CACNG4: variants seen among roughly 807,000 people sequenced by gnomAD.
CACNG4 encodes the protein calcium voltage-gated channel auxiliary subunit gamma 4.
Under a neutral mutation model 22.9 loss-of-function variants are expected in CACNG4, and 8 were observed. The observed-to-expected ratio is 0.35, with a 90% CI of 0.21 to 0.63. The LOEUF is 0.63. Ranked by LOEUF, CACNG4 falls within the 30% of genes least tolerant of loss-of-function variation. The probability of loss-of-function intolerance (pLI) is 0.72; values close to 1 mark genes in which losing one functional copy is unlikely to be tolerated. For missense variants in CACNG4, 357 were observed against 455.4 expected (o/e 0.78, Z 1.97); for synonymous variants, 188 against 191.9 (o/e 0.98, Z 0.17).
chr17:67,029,058 C>T (rs191960672), intron 3 of CACNG4, among the ~76,000 whole-genome samples: 2 of 152,148 alleles, frequency 1.3e-5, no homozygotes, highest in Admixed American at 6.5e-5. Flanking sequence ...AAAGGCTGGG[C>T]GTGGTGGCTC....
chr17:66,997,478 C>T (rs1598112479), intron 1 of CACNG4, among the ~76,000 whole-genome samples: 1 of 152,052 alleles, frequency 6.6e-6, no homozygotes, highest in Non-Finnish European at 1.5e-5. Context: ...GAGATGTCCC[C>T]GGGGATGGGA....
chr17:66,965,539 G>A (rs1371107580), intron 1 of CACNG4, among the ~76,000 whole-genome samples: 1 of 150,696 alleles, frequency 6.6e-6, no homozygotes, highest in African/African-American at 2.4e-5. Context: ...GGCGGGAGGA[G>A]GCTGGGGTTG....
At chr17:67,002,198 C>T (rs562416767) in intron 1 of CACNG4, among the ~76,000 whole-genome samples, 3 of 152,330 alleles carry the variant, frequency 2.0e-5, no homozygotes, top group African/African-American at 7.2e-5. Context: ...GCACGTCTTA[C>T]ATGGCAGCAG....
In CACNG4 at chr17:67,031,934, G is replaced by A. The variant is rs1469982299; in HGVS notation, c.*930G>A. 2.2e-6 allele frequency: 1 copy of A among 456,724 alleles called. No homozygotes were observed. Among genetic ancestry groups the A allele is most frequent in the South Asian group, 1.5e-5 (1 of 64,566 alleles). The allele number at this position is 456,724 out of a possible 1,614,324, so 28.3% of individuals were successfully genotyped here. A position where few individuals can be genotyped will look rare whatever the true frequency, so the allele number is the denominator to read the frequency against. ...ACTGGCATTTGGCAACAGGAGCCTG[G>A]ACTTCTGTGCAAGAAAGGGAGACCT... is the stretch of plus-strand genomic sequence containing the variant. On this transcript the variant is annotated 3_prime_UTR_variant, in exon 4 of 4. Transcript: ENST00000262138. This position sits in a 1 kb window ranked among gnomAD's most constrained non-coding sequence, Gnocchi z 4.0.
At position 67,019,510 on chromosome 17, in the gene CACNG4, A is replaced by T. The variant is rs541812544; in HGVS notation, c.304+1238A>T. Among the ~76,000 whole-genome samples the T allele has an allele frequency of 1.6e-4, 24 of 152,332 alleles. 1 individual carries two copies. The highest frequency in any genetic ancestry group is 1.4e-3 in the Admixed American group (22 of 15,304). ...CACCTGCATAAATTATGGTATGAAC[A>T]TCCTTCCAGTTGTACAGTGCACGTC... On this transcript the variant is annotated intron_variant, in intron 2 of 3. Coordinates refer to ENST00000262138, the MANE Select transcript of CACNG4 (RefSeq NM_014405.4).
At chr17:67,011,846 A>C (rs2143343273) in intron 1 of CACNG4, among the ~76,000 whole-genome samples, 1 of 152,004 alleles carries the variant, frequency 6.6e-6, no homozygotes, top group East Asian at 1.9e-4. Flanking sequence ...TAGATCCTAA[A>C]GGGGAGTTGT....
At chr17:67,023,140 C>G (rs2035541890) in intron 2 of CACNG4, among the ~76,000 whole-genome samples, 1 of 152,110 alleles carries the variant, frequency 6.6e-6, no homozygotes, top group Non-Finnish European at 1.5e-5. Flanking sequence ...GTCTTCACAG[C>G]CCCTTCTCCC....
chr17:66,965,155 C>T lies in CACNG4; in HGVS notation c.220+24C>T, dbSNP rs1262879867. 3.0e-6 allele frequency: 4 copies of T among 1,344,366 alleles called. No individual in the cohort carries two copies. The African/African-American group carries it at 5.2e-5, about 17-fold the overall frequency. 83.3% of individuals were successfully genotyped at this position (1,344,366 alleles called of 1,614,324 possible). A position where few individuals can be genotyped will look rare whatever the true frequency, so the allele number is the denominator to read the frequency against. ...AGGTACGGCCAGCCCCGACCCCTCGCCGCCCCACACACACACACACACACA... is the reference window on the plus strand; with the variant it reads ...AGGTACGGCCAGCCCCGACCCCTCGTCGCCCCACACACACACACACACACA... On this transcript the variant is annotated intron_variant, in intron 1 of 3. Transcript: ENST00000262138.
At chr17:66,976,577 TC>T (rs35809202) in intron 1 of CACNG4, among the ~76,000 whole-genome samples, 8,509 of 147,676 alleles carry the variant, frequency 0.058, 368 homozygotes, top group African/African-American at 0.12. Flanking sequence ...CCTCCCTGCA[TC>T]TTCCATTCCT....
chr17:66,979,736 C>A (rs898174129), intron 1 of CACNG4, among the ~76,000 whole-genome samples: 14 of 128,266 alleles, frequency 1.1e-4, no homozygotes, highest in Non-Finnish European at 2.0e-4. Flanking sequence ...GGTGTTTGTT[C>A]TTTTCATGCT....
chr17:67,017,186 C>T (rs573740902), intron 1 of CACNG4, among the ~76,000 whole-genome samples: 1 of 152,118 alleles, frequency 6.6e-6, no homozygotes, highest in East Asian at 1.9e-4. Context: ...AAGTGATCCT[C>T]CCACCTCAGC....
intron 1 of CACNG4, among the ~76,000 whole-genome samples, chr17:66,990,906 T>G (rs1166163515): frequency 6.6e-6 from 1 of 151,926 alleles, no homozygotes; most frequent in African/African-American, 2.4e-5. Context: ...GGTCTCGATC[T>G]CCTGACCTCG....
rs1243876338 is a variant in CACNG4 at position 67,031,790 on chromosome 17, G to A, written c.*786G>A. Reference sequence around the variant, plus strand: ...CTTCAGAGTCTGGAGGGTTCCATCGGTCAGGGGAATGGCGGCCACGTGACC... The same window carrying A: ...CTTCAGAGTCTGGAGGGTTCCATCGATCAGGGGAATGGCGGCCACGTGACC... On this transcript the variant is annotated 3_prime_UTR_variant, in exon 4 of 4. Transcript: ENST00000262138. This position sits in a 1 kb window ranked among gnomAD's most constrained non-coding sequence, Gnocchi z 4.0. 4.4e-6 allele frequency: 2 copies of A among 456,694 alleles called. No individual in the cohort carries two copies. The highest frequency in any genetic ancestry group is 3.1e-5 in the South Asian group (2 of 64,566). 28.3% of individuals were successfully genotyped at this position (456,694 alleles called of 1,614,324 possible).
chr17:67,000,303 G>A (rs543031307), intron 1 of CACNG4, among the ~76,000 whole-genome samples: 18 of 151,960 alleles, frequency 1.2e-4, no homozygotes, highest in South Asian at 1.0e-3. Flanking sequence ...GGTTTGCTCC[G>A]TCTCCCTCCC....
At chr17:67,017,649 C>T (rs1465549550) in intron 1 of CACNG4, among the ~76,000 whole-genome samples, 1 of 152,136 alleles carries the variant, frequency 6.6e-6, no homozygotes, top group Non-Finnish European at 1.5e-5. Flanking sequence ...TCCCGAGTAG[C>T]TGGGACTATA....
chr17:66,990,647 C>CTTATTTTATTTTATTTTATTTTATT (rs59079283), intron 1 of CACNG4, among the ~76,000 whole-genome samples: 17 of 148,626 alleles, frequency 1.1e-4, no homozygotes, highest in African/African-American at 4.2e-4. Flanking sequence ...TCTAAGTCTC[C>CTTATTTTATTTTATTTTATTTTATT]TTATTTTATT....
At chr17:66,991,690 C>A (rs2035341423) in intron 1 of CACNG4, among the ~76,000 whole-genome samples, 1 of 152,164 alleles carries the variant, frequency 6.6e-6, no homozygotes, top group African/African-American at 2.4e-5. Flanking sequence ...CAGATATTAA[C>A]CCTGAGTAAG....
chr17:67,021,914 C>T (rs2035534296), intron 2 of CACNG4, among the ~76,000 whole-genome samples: 1 of 152,154 alleles, frequency 6.6e-6, no homozygotes, highest in Admixed American at 6.5e-5. Context: ...TGCGCTGTGC[C>T]CGACCTGCAC....
chr17:67,030,035 C>T lies in CACNG4; in HGVS notation c.446-431C>T, dbSNP rs1458725615. ...TCGTGAGACTTCTGTATGGCGGTGC[C>T]GCACGTAGTTAGAAAGACAGGGATG... On this transcript the variant is annotated intron_variant, in intron 3 of 3. Coordinates refer to ENST00000262138, the MANE Select transcript of CACNG4 (RefSeq NM_014405.4). The surrounding 1 kb of genome is among the most constrained non-coding windows in gnomAD (Gnocchi z 6.4). 6.6e-6 allele frequency among the ~76,000 whole-genome samples: 1 copy of T among 152,126 alleles called. No individual in the cohort carries two copies. The highest frequency in any genetic ancestry group is 6.5e-5 in the Admixed American group (1 of 15,274).
Sources: allele counts gnomAD v4.1 joint callset (sites outside exome capture counted in the v4.1 genomes callset), GRCh38; gene constraint gnomAD v4.1.1; non-coding constraint Gnocchi (gnomAD v3.1); transcripts MANE v1.5; gene names NCBI Gene and HGNC (gene_info 2026-07-23, HGNC 2026-07-21).